The following ENPP2 variants were observed in gnomAD, a reference collection of about 807,000 sequenced individuals.
ENPP2 encodes autotaxin.
A neutral mutation model predicts 120.2 loss-of-function variants in ENPP2; 51 were observed. The ratio of observed to expected loss-of-function variants is 0.42; its 90% CI spans 0.34 to 0.54. The LOEUF is 0.54. Ranked by LOEUF, ENPP2 falls within the 20% of genes least tolerant of loss-of-function variation. The pLI, the probability that ENPP2 is intolerant of heterozygous loss-of-function variation, is 0.04. For synonymous variants in ENPP2, 365 were observed against 366.4 expected (o/e 1.00, Z 0.04); for missense variants, 920 against 1,066.5 (o/e 0.86, Z 1.91).
intron 9 of ENPP2, among the ~76,000 whole-genome samples, chr8:119,605,104 C>A (rs1255973629): frequency 2.6e-5 from 4 of 152,010 alleles, no homozygotes; most frequent in Non-Finnish European, 5.9e-5. Flanking sequence ...CAGGGTCTCA[C>A]TCTGTTGCCC....
At chr8:119,655,828 G>A (rs1284131989) in intron 1 of ENPP2, among the ~76,000 whole-genome samples, 1 of 152,186 alleles carries the variant, frequency 6.6e-6, no homozygotes, top group Admixed American at 6.5e-5. Flanking sequence ...CGCCCAGCCA[G>A]AGCCCAGTTT....
chr8:119,568,434 G>A (rs1037397978), intron 21 of ENPP2, among the ~76,000 whole-genome samples, 182 bp from the exon 22 acceptor site: 5 of 151,912 alleles, frequency 3.3e-5, no homozygotes, highest in Admixed American at 2.6e-4. Flanking sequence ...CTCCCACTCA[G>A]TCTCTTCTTC....
At chr8:119,668,277 A>G (rs1818133220) in intron 1 of ENPP2, among the ~76,000 whole-genome samples, 1 of 152,256 alleles carries the variant, frequency 6.6e-6, no homozygotes, top group Non-Finnish European at 1.5e-5. Context: ...TGCTCAAATA[A>G]TAATAGCCAA....
At chr8:119,616,433 CA>C in intron 7 of ENPP2, 49 bp from the exon 8 acceptor site, 1 of 1,401,442 alleles carries the variant, frequency 7.1e-7, no homozygotes, top group Non-Finnish European at 9.9e-7. Context: ...CAATAATCCA[CA>C]TACATTAGTT....
intron 21 of ENPP2, among the ~76,000 whole-genome samples, chr8:119,568,673 C>T (rs910260097): frequency 6.6e-6 from 1 of 152,046 alleles, no homozygotes; most frequent in South Asian, 2.1e-4. Flanking sequence ...TGATCACAGC[C>T]CACTGTAGCC....
Position 119,572,213 on chromosome 8 carries a change from G to GT in ENPP2, c.1781-1373dup, listed in dbSNP as rs754986569. 1.5e-5 allele frequency: 23 copies of GT among 1,555,288 alleles called. No individual in the cohort carries two copies. The Middle Eastern group carries it at 5.0e-4, about 34-fold the overall frequency. ...CAAAATTTCCATTAATGTTTTCCTTGTTTTCATTTCTGCTGCCTCTGAATT... is the reference window on the plus strand; with the variant it reads ...CAAAATTTCCATTAATGTTTTCCTTGTTTTTCATTTCTGCTGCCTCTGAATT... On this transcript the variant is annotated intron_variant, in intron 19 of 24. Coordinates refer to ENST00000075322, the MANE Select transcript of ENPP2 (RefSeq NM_001040092.3).
At chr8:119,606,855 TAA>T (rs57586646) in intron 9 of ENPP2, among the ~76,000 whole-genome samples, 28 of 141,648 alleles carry the variant, frequency 2.0e-4, no homozygotes, top group Non-Finnish European at 1.9e-4. Context: ...TTAGGTGGTT[TAA>T]AAAAAAAAAA....
At position 119,587,293 on chromosome 8, in the gene ENPP2, C is replaced by T. The variant is rs898004159; in HGVS notation, c.1208-218G>A. On this transcript the variant is annotated intron_variant, in intron 13 of 24. Coordinates refer to ENST00000075322, the MANE Select transcript of ENPP2 (RefSeq NM_001040092.3). Reference sequence around the variant, plus strand: ...GGAACAAATCCTATAGTAAACTGCCCTCCTAGGTCCAGTTCTGCTCTTCTG... The same window carrying T: ...GGAACAAATCCTATAGTAAACTGCCTTCCTAGGTCCAGTTCTGCTCTTCTG... 2.8e-4 allele frequency among the ~76,000 whole-genome samples: 43 copies of T among 152,178 alleles called. 1 individual carries two copies. Among genetic ancestry groups the T allele is most frequent in the South Asian group, 1.0e-3 (5 of 4,834 alleles).
intron 5 of ENPP2, chr8:119,618,439 A>C: frequency 2.3e-6 from 1 of 427,332 alleles, no homozygotes; most frequent in Non-Finnish European, 4.6e-6. Flanking sequence ...CACACTTCTG[A>C]ACAAAAATTC....
intron 1 of ENPP2, among the ~76,000 whole-genome samples, chr8:119,650,152 G>T (rs545747362): frequency 6.6e-5 from 10 of 152,154 alleles, no homozygotes; most frequent in Non-Finnish European, 1.5e-4. Flanking sequence ...ATATTACTCA[G>T]CAATAAAAAG....
chr8:119,612,012 G>C (rs1160429763), intron 8 of ENPP2, among the ~76,000 whole-genome samples: 1 of 150,868 alleles, frequency 6.6e-6, no homozygotes, highest in Non-Finnish European at 1.5e-5. Flanking sequence ...CTGGGCGACA[G>C]AGCAAAACTC....
chr8:119,624,732 C>T (rs1332602350), intron 3 of ENPP2, among the ~76,000 whole-genome samples: 2 of 152,130 alleles, frequency 1.3e-5, no homozygotes, highest in Non-Finnish European at 1.5e-5. Flanking sequence ...CGCACACATG[C>T]ATATATATAC....
intron 1 of ENPP2, among the ~76,000 whole-genome samples, chr8:119,655,983 T>C (rs1320015899): frequency 6.6e-6 from 1 of 152,208 alleles, no homozygotes; most frequent in Admixed American, 6.5e-5. Flanking sequence ...GAACTGATTC[T>C]CTTACGGACA....
chr8:119,560,506 C>G (rs1273207827), intron 24 of ENPP2, among the ~76,000 whole-genome samples: 1 of 152,130 alleles, frequency 6.6e-6, no homozygotes, highest in Non-Finnish European at 1.5e-5. Context: ...GTCTTCCATC[C>G]TTCCTTTTAG....
chr8:119,568,392 C>T, intron 21 of ENPP2, 140 bp from the exon 22 acceptor site: 1 of 615,200 alleles, frequency 1.6e-6, no homozygotes, highest in Non-Finnish European at 2.9e-6. Context: ...ATTCCTACTC[C>T]TAACTGCGTT....
At chr8:119,561,110 A>G (rs1307932684) in intron 24 of ENPP2, among the ~76,000 whole-genome samples, 1 of 152,172 alleles carries the variant, frequency 6.6e-6, no homozygotes, top group Non-Finnish European at 1.5e-5. Context: ...ATTTGCCCTC[A>G]TTTCTAATAT....
At chr8:119,605,428 ATATGTGTGTGTGTG>A (rs1233281545) in intron 9 of ENPP2, among the ~76,000 whole-genome samples, 3 of 135,410 alleles carry the variant, frequency 2.2e-5, no homozygotes, top group East Asian at 2.2e-4. Flanking sequence ...AAGATACCAT[ATATGTGTGTGTGTG>A]TGTGTGTGTG....
chr8:119,583,687 T>C (rs1260985414), intron 17 of ENPP2, 30 bp downstream of exon 17: 1 of 1,189,064 alleles, frequency 8.4e-7, no homozygotes, highest in Non-Finnish European at 1.2e-6. Context: ...AAAGATTGTT[T>C]CAATGGTTCT....
intron 1 of ENPP2, among the ~76,000 whole-genome samples, chr8:119,672,570 C>T (rs1308426834): frequency 1.3e-5 from 2 of 152,160 alleles, no homozygotes; most frequent in Non-Finnish European, 2.9e-5. Context: ...CTAAAGCACC[C>T]ATAATCAGTT....
Sources: allele counts gnomAD v4.1 joint callset (sites outside exome capture counted in the v4.1 genomes callset), GRCh38; gene constraint gnomAD v4.1.1; transcripts MANE v1.5; gene names NCBI Gene and HGNC (gene_info 2026-07-23, HGNC 2026-07-21).